The following AIG1 variants were observed in gnomAD, a reference collection of about 807,000 sequenced individuals.
The protein encoded by AIG1 is androgen-induced gene 1 protein.
In AIG1, 23 loss-of-function variants were observed where a neutral mutation model predicts 31.4. That is an observed-to-expected ratio of 0.73 (90% confidence interval 0.53 to 1.04). The LOEUF (loss-of-function observed/expected upper bound fraction) is 1.04, where lower values mean the gene tolerates loss of function less well. Among genes scored for constraint, AIG1 ranks in the 50% least tolerant of loss-of-function variants. The pLI is 0.00. For synonymous variants in AIG1, 100 were observed against 110.5 expected (o/e 0.90, Z 0.60); for missense variants, 274 against 295.0 (o/e 0.93, Z 0.52).
Position 143,297,254 on chromosome 6 carries a change from C to T in AIG1, c.515+13029C>T, listed in dbSNP as rs1048647287. Among the ~76,000 whole-genome samples the T allele has an allele frequency of 1.8e-4, 27 of 152,060 alleles. No homozygotes were observed. Among genetic ancestry groups the T allele is most frequent in the African/African-American group, 6.0e-4 (25 of 41,408 alleles). On this transcript the variant is annotated intron_variant, in intron 4 of 5. Coordinates refer to ENST00000357847, the MANE Select transcript of AIG1 (RefSeq NM_016108.4). This position sits in a 1 kb window ranked among gnomAD's most constrained non-coding sequence, Gnocchi z 5.1. Reference sequence around the variant, plus strand: ...TGTCCCAGGCAGAAAAAGCAGATGGCCTAGAAGCAACGGAGAGGAAACCAT... The same window carrying T: ...TGTCCCAGGCAGAAAAAGCAGATGGTCTAGAAGCAACGGAGAGGAAACCAT...
intron 3 of AIG1, among the ~76,000 whole-genome samples, chr6:143,200,854 C>G (rs1304800803): frequency 6.6e-6 from 1 of 152,134 alleles, no homozygotes; most frequent in Non-Finnish European, 1.5e-5. Context: ...TTTCTTCCTA[C>G]TCCACAGTTT....
intron 3 of AIG1, among the ~76,000 whole-genome samples, chr6:143,198,109 G>A (rs1451837120): frequency 6.6e-6 from 1 of 152,164 alleles, no homozygotes; most frequent in Non-Finnish European, 1.5e-5. Context: ...CCAAAGGAAA[G>A]GAAATTAATC....
intron 3 of AIG1, among the ~76,000 whole-genome samples, chr6:143,275,802 G>T (rs1321113636): frequency 6.6e-6 from 1 of 152,190 alleles, no homozygotes; most frequent in Non-Finnish European, 1.5e-5. Flanking sequence ...TGGTTTGCCT[G>T]TCTGAGGGCA....
rs34603415 is a variant in AIG1, at chr6:143,327,696, T to TA, written c.516-5572dup. The TA allele has an allele frequency of 0.1, 15,581 of 149,798 alleles. 1,538 individuals are homozygous for TA. Among genetic ancestry groups the TA allele is most frequent in the African/African-American group, 0.26 (10,442 of 40,164 alleles). The allele number at this position is 149,798 out of a possible 1,614,324, so 9.3% of individuals were successfully genotyped here. On this transcript the variant is annotated intron_variant, in intron 4 of 5. Transcript: ENST00000357847. The surrounding 1 kb of genome is among the most constrained non-coding windows in gnomAD (Gnocchi z 5.3). ...TACATCAAATAAAGTTATAAAATTG[T>TA]AAAAAAAAAAAAAAGATAATGGATT...
intron 3 of AIG1, among the ~76,000 whole-genome samples, chr6:143,167,394 G>A (rs1035279123): frequency 1.3e-5 from 2 of 152,222 alleles, no homozygotes; most frequent in African/African-American, 2.4e-5. Context: ...CCAGTTGAAT[G>A]TGAAATGATG....
intron 1 of AIG1, among the ~76,000 whole-genome samples, chr6:143,103,000 A>G (rs1050544485): frequency 2.6e-5 from 4 of 152,240 alleles, no homozygotes; most frequent in Admixed American, 1.3e-4. Flanking sequence ...TTAGAGTACA[A>G]TCATTACTAG....
chr6:143,249,431 A>T (rs1379617788), intron 3 of AIG1, among the ~76,000 whole-genome samples: 2 of 152,358 alleles, frequency 1.3e-5, no homozygotes, highest in East Asian at 3.9e-4. Flanking sequence ...ATGCATGGAC[A>T]TAAAACCAGC....
intron 1 of AIG1, among the ~76,000 whole-genome samples, chr6:143,121,194 C>T (rs1380693398): frequency 6.6e-6 from 1 of 152,236 alleles, no homozygotes; most frequent in East Asian, 1.9e-4. Context: ...TCCCATTCCA[C>T]ACCTCTGTAT....
intron 3 of AIG1, among the ~76,000 whole-genome samples, chr6:143,238,935 T>A (rs1037443315): frequency 2.6e-5 from 4 of 152,208 alleles, no homozygotes; most frequent in African/African-American, 9.7e-5. Flanking sequence ...CCAGACACTG[T>A]AGACATAATT....
chr6:143,329,731 T>C lies in AIG1; in HGVS notation c.516-3551T>C, dbSNP rs1776916691. On this transcript the variant is annotated intron_variant, in intron 4 of 5. Coordinates refer to ENST00000357847, the MANE Select transcript of AIG1 (RefSeq NM_016108.4). This position sits in a 1 kb window ranked among gnomAD's most constrained non-coding sequence, Gnocchi z 4.9. ...TCAAAAGCTAAGAATGGTTTTCACA[T>C]TTTTAAATAGTTGAAAAAATCAAAA... Among the ~76,000 whole-genome samples, 1 of 152,240 alleles carries C rather than the reference T, an allele frequency of 6.6e-6. No individual in the cohort carries two copies. Among genetic ancestry groups the C allele is most frequent in the Non-Finnish European group, 1.5e-5 (1 of 68,052 alleles).
At chr6:143,155,393 G>T (rs534139949) in intron 2 of AIG1, among the ~76,000 whole-genome samples, 1 of 152,104 alleles carries the variant, frequency 6.6e-6, no homozygotes, top group Non-Finnish European at 1.5e-5. Flanking sequence ...TCTTCTTGTG[G>T]GGGGGATATC....
chr6:143,138,692 G>C (rs1783977718), intron 2 of AIG1, among the ~76,000 whole-genome samples: 1 of 151,924 alleles, frequency 6.6e-6, no homozygotes, highest in Non-Finnish European at 1.5e-5. Flanking sequence ...AGGAGATCAA[G>C]ACCATCCTGG....
chr6:143,307,421 A>G (rs1202555899), intron 4 of AIG1, among the ~76,000 whole-genome samples: 4 of 152,254 alleles, frequency 2.6e-5, no homozygotes, highest in East Asian at 1.9e-4. Context: ...TCTAACAGAC[A>G]GGACCCTCAG....
chr6:143,143,558 C>T (rs1246119154), intron 2 of AIG1, among the ~76,000 whole-genome samples: 20 of 97,040 alleles, frequency 2.1e-4, no homozygotes, highest in South Asian at 1.6e-3. Context: ...TATATATACA[C>T]ACACACTTAA....
At chr6:143,149,151 A>G (rs1185278133) in intron 2 of AIG1, among the ~76,000 whole-genome samples, 1 of 152,136 alleles carries the variant, frequency 6.6e-6, no homozygotes, top group East Asian at 1.9e-4. Context: ...TTTGCTCTTC[A>G]TTATATGCCT....
At chr6:143,260,913 C>A (rs1007878435) in intron 3 of AIG1, among the ~76,000 whole-genome samples, 1 of 152,156 alleles carries the variant, frequency 6.6e-6, no homozygotes, top group African/African-American at 2.4e-5. Flanking sequence ...CTTCACCCCC[C>A]CGCCATCCCT....
At chr6:143,238,044 C>T (rs961872665) in intron 3 of AIG1, among the ~76,000 whole-genome samples, 1 of 152,104 alleles carries the variant, frequency 6.6e-6, no homozygotes, top group Non-Finnish European at 1.5e-5. Flanking sequence ...GGTTTCAAGC[C>T]ATTCTCCTGC....
At chr6:143,278,491 C>CT (rs1797104735) in intron 3 of AIG1, among the ~76,000 whole-genome samples, 3 of 140,678 alleles carry the variant, frequency 2.1e-5, no homozygotes, top group Admixed American at 7.4e-5. Context: ...CTTTTTGAGA[C>CT]TGAGTCTCGC....
chr6:143,311,015 T>C (rs543916803), intron 4 of AIG1, among the ~76,000 whole-genome samples: 2 of 151,888 alleles, frequency 1.3e-5, no homozygotes, highest in Non-Finnish European at 2.9e-5. Flanking sequence ...CTACCAAACA[T>C]TTAAGGAAGA....
Sources: allele counts gnomAD v4.1 joint callset (sites outside exome capture counted in the v4.1 genomes callset), GRCh38; gene constraint gnomAD v4.1.1; non-coding constraint Gnocchi (gnomAD v3.1); transcripts MANE v1.5; gene names NCBI Gene and HGNC (gene_info 2026-07-23, HGNC 2026-07-21).